The following PTPRT variants were observed in gnomAD, a reference collection of about 807,000 sequenced individuals.
PTPRT encodes receptor-type tyrosine-protein phosphatase T.
Under a neutral mutation model 176.8 loss-of-function variants are expected in PTPRT, and 56 were observed. That is an observed-to-expected ratio of 0.32 (90% CI 0.26 to 0.40). The LOEUF (loss-of-function observed/expected upper bound fraction) is 0.40. Ranked by LOEUF, PTPRT falls within the 10% of genes least tolerant of loss-of-function variation. PTPRT has a pLI of 1.00. For missense variants in PTPRT, 1,540 were observed against 1,908.2 expected, an observed-to-expected ratio of 0.81 and a Z score of 3.60; for synonymous variants, 783 against 739.0, an observed-to-expected ratio of 1.06 and a Z score of -0.96.
intron 1 of PTPRT, among the ~76,000 whole-genome samples, chr20:43,175,271 T>C (rs2015098305): frequency 6.6e-6 from 1 of 152,252 alleles, no homozygotes; most frequent in Non-Finnish European, 1.5e-5. Context: ...AATGTCTCCC[T>C]GTGTCTGTGA....
chr20:42,205,562 C>G (rs553580619), intron 15 of PTPRT, among the ~76,000 whole-genome samples: 162 of 152,178 alleles, frequency 1.1e-3, no homozygotes, highest in African/African-American at 3.4e-3. Flanking sequence ...TCTGCAAAAC[C>G]CTTGACTCTC....
chr20:42,435,624 A>C (rs2059255785), intron 9 of PTPRT, among the ~76,000 whole-genome samples: 1 of 152,356 alleles, frequency 6.6e-6, no homozygotes, highest in Non-Finnish European at 1.5e-5. Flanking sequence ...ATAGCTCTAA[A>C]ATTAAGGTAA....
At chr20:42,701,019 G>A (rs2075966365) in intron 6 of PTPRT, among the ~76,000 whole-genome samples, 1 of 152,110 alleles carries the variant, frequency 6.6e-6, no homozygotes, top group South Asian at 2.1e-4. Flanking sequence ...GCCGCCACAA[G>A]GCTACATACA....
chr20:43,170,366 G>A (rs1020707539), intron 1 of PTPRT, among the ~76,000 whole-genome samples: 3 of 152,198 alleles, frequency 2.0e-5, no homozygotes, highest in African/African-American at 4.8e-5. Flanking sequence ...GCTCAGAGAG[G>A]TTAACTGATT....
chr20:42,854,186 G>A (rs1196620454), intron 2 of PTPRT, among the ~76,000 whole-genome samples: 2 of 152,084 alleles, frequency 1.3e-5, no homozygotes, highest in Non-Finnish European at 1.5e-5. Context: ...CTTTCCATAC[G>A]TACCCATTTG....
intron 6 of PTPRT, among the ~76,000 whole-genome samples, chr20:42,678,546 C>T (rs920273068): frequency 5.9e-5 from 9 of 152,178 alleles, no homozygotes; most frequent in South Asian, 2.1e-4. Flanking sequence ...TGAGGTGATC[C>T]GCTGGCCTCA....
chr20:42,266,616 A>G (rs764215013), intron 13 of PTPRT, among the ~76,000 whole-genome samples: 2 of 152,094 alleles, frequency 1.3e-5, no homozygotes, highest in Non-Finnish European at 2.9e-5. Context: ...AACATTCCTG[A>G]CCTCTACCCA....
At chr20:42,114,380 G>A (rs1354563584) in intron 22 of PTPRT, among the ~76,000 whole-genome samples, 9 of 152,204 alleles carry the variant, frequency 5.9e-5, no homozygotes. Flanking sequence ...ACCTGGTCCA[G>A]TAAGTGCTCA....
chr20:43,050,596 G>C (rs1315930276), intron 1 of PTPRT, among the ~76,000 whole-genome samples: 1 of 152,160 alleles, frequency 6.6e-6, no homozygotes, highest in Non-Finnish European at 1.5e-5. Context: ...TTTGACACTG[G>C]GTAAACATAA....
At chr20:42,992,315 T>C (rs1160754836) in intron 1 of PTPRT, among the ~76,000 whole-genome samples, 3 of 152,210 alleles carry the variant, frequency 2.0e-5, no homozygotes, top group Non-Finnish European at 2.9e-5. Flanking sequence ...AGACAAGTTG[T>C]TGTAGTTCAT....
chr20:42,237,309 G>GTAC (rs2056265024), intron 14 of PTPRT, among the ~76,000 whole-genome samples: 2 of 152,314 alleles, frequency 1.3e-5, no homozygotes, highest in African/African-American at 4.8e-5. Context: ...GAAGAGCACT[G>GTAC]TACTGAGAGA....
chr20:43,118,727 C>T (rs1022358845), intron 1 of PTPRT, among the ~76,000 whole-genome samples: 2 of 152,108 alleles, frequency 1.3e-5, no homozygotes, highest in East Asian at 1.9e-4. Flanking sequence ...CGTGAGCCAC[C>T]GCACCTGGCC....
chr20:42,048,630 A>C, the PTPRT span, among the ~76,000 whole-genome samples: 2 of 152,124 alleles, frequency 1.3e-5, no homozygotes, highest in African/African-American at 4.8e-5. Context: ...ACCTACAGAC[A>C]TGTGAGCAAG....
intron 7 of PTPRT, among the ~76,000 whole-genome samples, chr20:42,603,704 T>C (rs2057073): frequency 0.025 from 3,816 of 152,318 alleles, 168 homozygotes; most frequent in African/African-American, 0.086. Context: ...GGAATACATT[T>C]AGAAGTGGAA....
chr20:42,430,532 G>A (rs1359120029), intron 9 of PTPRT, among the ~76,000 whole-genome samples: 1 of 152,166 alleles, frequency 6.6e-6, no homozygotes, highest in East Asian at 1.9e-4. Context: ...TTCTTCTGCA[G>A]GTAGGCTAAC....
chr20:42,440,994 C>A (rs7275179), intron 9 of PTPRT, among the ~76,000 whole-genome samples: 1 of 152,122 alleles, frequency 6.6e-6, no homozygotes, highest in Non-Finnish European at 1.5e-5. Flanking sequence ...ACTCGAAGTC[C>A]GCCCATGTAA....
intron 15 of PTPRT, among the ~76,000 whole-genome samples, chr20:42,208,889 T>G (rs1377949592): frequency 6.6e-6 from 1 of 152,146 alleles, no homozygotes; most frequent in African/African-American, 2.4e-5. Flanking sequence ...ACCACATACT[T>G]GGAAGTAAAG....
intron 12 of PTPRT, among the ~76,000 whole-genome samples, chr20:42,306,100 G>C (rs2057541640): frequency 6.6e-6 from 1 of 152,154 alleles, no homozygotes; most frequent in Admixed American, 6.6e-5. Context: ...AAGTATATTT[G>C]CATGGGAAGG....
intron 7 of PTPRT, among the ~76,000 whole-genome samples, chr20:42,645,802 G>T (rs1246186067): frequency 6.7e-6 from 1 of 149,912 alleles, no homozygotes; most frequent in Admixed American, 6.6e-5. Flanking sequence ...GTGTGTGTGT[G>T]TAGGGAGGGG....
Sources: gnomAD v4.1 joint callset for allele counts (sites outside exome capture counted in the v4.1 genomes callset) on GRCh38, gnomAD v4.1.1 for gene constraint, MANE v1.5 for transcripts, NCBI Gene and HGNC (gene_info 2026-07-23, HGNC 2026-07-21) for gene names.